Variants in RTN4RL1 observed in about 807,000 individuals in gnomAD.
RTN4RL1 encodes the protein reticulon-4 receptor-like 1.
In RTN4RL1, 7 loss-of-function variants were observed where a neutral mutation model predicts 25.6. The observed-to-expected ratio is 0.27, with a 90% confidence interval of 0.16 to 0.51. The LOEUF is 0.51. Among genes scored for constraint, RTN4RL1 ranks in the 20% least tolerant of loss-of-function variants. The probability of loss-of-function intolerance (pLI) is 0.97; values close to 1 mark genes in which losing one functional copy is unlikely to be tolerated. For synonymous variants in RTN4RL1, 297 were observed against 288.2 expected (o/e 1.03, Z -0.31); for missense variants, 500 against 615.6 (o/e 0.81, Z 1.99).
intron 1 of RTN4RL1, among the ~76,000 whole-genome samples, chr17:2,014,313 C>T (rs141658537): frequency 1.3e-5 from 2 of 152,240 alleles, no homozygotes; most frequent in African/African-American, 4.8e-5. Context: ...GAAGACAGAT[C>T]ACATAAAAGT....
chr17:1,999,337 T>G (rs1161076898), intron 1 of RTN4RL1, among the ~76,000 whole-genome samples: 1 of 151,778 alleles, frequency 6.6e-6, no homozygotes, highest in Non-Finnish European at 1.5e-5. Flanking sequence ...TCCCAGCTAC[T>G]CGGGAGGCTG....
At chr17:1,990,644 T>C (rs950019857) in intron 1 of RTN4RL1, among the ~76,000 whole-genome samples, 2 of 152,032 alleles carry the variant, frequency 1.3e-5, no homozygotes, top group African/African-American at 4.8e-5. Flanking sequence ...GAGGCTGCAG[T>C]GAGCCATGAT....
intron 1 of RTN4RL1, among the ~76,000 whole-genome samples, chr17:1,948,574 GACAGGCGGAC>G (rs966631328): frequency 2.6e-5 from 4 of 152,218 alleles, no homozygotes; most frequent in Admixed American, 6.5e-5. Context: ...GACACAGGCA[GACAGGCGGAC>G]ACAGGCGGAC....
intron 1 of RTN4RL1, among the ~76,000 whole-genome samples, chr17:2,009,281 G>T (rs1276154379): frequency 1.3e-5 from 2 of 152,122 alleles, no homozygotes; most frequent in African/African-American, 4.8e-5. Context: ...TCAACAAGGG[G>T]AAACCCTGTC....
At chr17:1,962,721 C>T (rs1000598169) in intron 1 of RTN4RL1, among the ~76,000 whole-genome samples, 1 of 151,572 alleles carries the variant, frequency 6.6e-6, no homozygotes, top group East Asian at 2.0e-4. Context: ...AAAAACTAGC[C>T]GGGCAGGATG....
intron 1 of RTN4RL1, among the ~76,000 whole-genome samples, chr17:2,022,062 C>T (rs2151332319): frequency 6.6e-6 from 1 of 151,536 alleles, no homozygotes; most frequent in Admixed American, 6.6e-5. Flanking sequence ...CACCTGTAAT[C>T]CCAGCACTTC....
intron 1 of RTN4RL1, among the ~76,000 whole-genome samples, chr17:1,947,076 G>C (rs1237698376): frequency 7.0e-6 from 1 of 143,584 alleles, no homozygotes; most frequent in East Asian, 2.1e-4. Flanking sequence ...GTGTGCACGG[G>C]GTCTGTGCGT....
At chr17:1,939,195 AC>A (rs1915384906) in intron 1 of RTN4RL1, among the ~76,000 whole-genome samples, 1 of 151,432 alleles carries the variant, frequency 6.6e-6, no homozygotes. Flanking sequence ...TACTAAAAAT[AC>A]AAAAAAATTA....
At chr17:1,955,303 G>A (rs1472639480) in intron 1 of RTN4RL1, among the ~76,000 whole-genome samples, 2 of 152,122 alleles carry the variant, frequency 1.3e-5, no homozygotes, top group East Asian at 3.9e-4. Context: ...CACTTGTAAT[G>A]CCAATAATTT....
chr17:1,963,767 T>C (rs1037438944), intron 1 of RTN4RL1, among the ~76,000 whole-genome samples: 26 of 152,162 alleles, frequency 1.7e-4, no homozygotes, highest in Non-Finnish European at 4.4e-5. Flanking sequence ...GTTTCGCTCT[T>C]GTTGCCCGGG....
intron 1 of RTN4RL1, among the ~76,000 whole-genome samples, chr17:1,970,125 G>A (rs753917619): frequency 1.1e-4 from 17 of 151,356 alleles, no homozygotes; most frequent in Admixed American, 5.3e-4. Flanking sequence ...AGGTTCAAGC[G>A]ATTCTCCTGC....
At chr17:1,995,197 G>A (rs1371275581) in intron 1 of RTN4RL1, among the ~76,000 whole-genome samples, 3 of 152,102 alleles carry the variant, frequency 2.0e-5, no homozygotes, top group Non-Finnish European at 2.9e-5. Context: ...AGGCCAAGGC[G>A]GGTGGATCAC....
At chr17:1,946,880 C>G (rs557200069) in intron 1 of RTN4RL1, among the ~76,000 whole-genome samples, 2,283 of 96,316 alleles carry the variant, frequency 0.024, 73 homozygotes, top group African/African-American at 0.089. Flanking sequence ...GTGTCTGTGT[C>G]TCTGTGTGTG....
At chr17:1,996,325 A>C (rs1437992609) in intron 1 of RTN4RL1, among the ~76,000 whole-genome samples, 1 of 152,170 alleles carries the variant, frequency 6.6e-6, no homozygotes, top group Non-Finnish European at 1.5e-5. Context: ...AAGACAACAG[A>C]CACCAGGAGA....
chr17:1,956,791 A>G (rs11078740), intron 1 of RTN4RL1, among the ~76,000 whole-genome samples: 127,345 of 149,706 alleles, frequency 0.85, 54,445 homozygotes, highest in Admixed American at 0.89. Flanking sequence ...CGCCCAGGCT[A>G]GAGCGCAATG....
At chr17:1,950,157 T>C (rs1915642998) in intron 1 of RTN4RL1, among the ~76,000 whole-genome samples, 1 of 149,534 alleles carries the variant, frequency 6.7e-6, no homozygotes, top group South Asian at 2.2e-4. Flanking sequence ...GGAGGGTGAG[T>C]TGGGGGGGAG....
chr17:1,982,965 G>A (rs2066873772), intron 1 of RTN4RL1, among the ~76,000 whole-genome samples: 1 of 152,184 alleles, frequency 6.6e-6, no homozygotes, highest in Non-Finnish European at 1.5e-5. Context: ...CACCCCGCAG[G>A]GCAGCAACCC....
At chr17:2,023,539 A>ACC (rs1397000490) in intron 1 of RTN4RL1, 3 of 152,300 alleles carry the variant, frequency 2.0e-5, no homozygotes, top group Admixed American at 6.5e-5. Context: ...AGCTAGGACC[A>ACC]CCACACGGCC....
chr17:2,010,615 T>C (rs1273109902), intron 1 of RTN4RL1, among the ~76,000 whole-genome samples: 1 of 152,084 alleles, frequency 6.6e-6, no homozygotes, highest in Admixed American at 6.5e-5. Context: ...TGGAGTGCAG[T>C]GGTGTGATCA....
Sources: gnomAD v4.1 joint callset for allele counts (sites outside exome capture counted in the v4.1 genomes callset) on GRCh38, gnomAD v4.1.1 for gene constraint, MANE v1.5 for transcripts, NCBI Gene and HGNC (gene_info 2026-07-23, HGNC 2026-07-21) for gene names.